The following RSU1 variants were observed in gnomAD, a reference collection of about 807,000 sequenced individuals.
The protein encoded by RSU1 is Ras suppressor protein 1, also known as rsu-1.
In RSU1, 26 loss-of-function variants were observed where a neutral mutation model predicts 31.1. The ratio of observed to expected loss-of-function variants is 0.84; its 90% CI spans 0.61 to 1.16. RSU1 has a LOEUF of 1.16. RSU1 is among the 50% of genes most tolerant of loss of function. The pLI is 0.00. For synonymous variants in RSU1, 164 were observed against 136.3 expected, an observed-to-expected ratio of 1.20 and a Z score of -1.41; for missense variants, 320 against 339.1, an observed-to-expected ratio of 0.94 and a Z score of 0.44.
intron 7 of RSU1, among the ~76,000 whole-genome samples, chr10:16,701,673 A>G (rs10795417): frequency 0.43 from 66,032 of 151,954 alleles, 14,551 homozygotes; most frequent in African/African-American, 0.51. Context: ...CCTACCAAAT[A>G]GTTCCAACAC....
intron 5 of RSU1, among the ~76,000 whole-genome samples, chr10:16,754,274 C>A (rs1352527507): frequency 6.6e-6 from 1 of 152,106 alleles, no homozygotes; most frequent in East Asian, 1.9e-4. Context: ...CAGAAGAAAT[C>A]ATTTTTTAAT....
intron 8 of RSU1, 23 bp downstream of exon 8, chr10:16,695,000 T>G (rs369189203): frequency 1.9e-4 from 296 of 1,594,054 alleles, no homozygotes; most frequent in Non-Finnish European, 2.4e-4. Context: ...GTCTACTATT[T>G]CAGAAAATCA....
chr10:16,776,504 C>A lies in RSU1; in HGVS notation c.160+5530G>T, dbSNP rs549390354. Among the ~76,000 whole-genome samples the A allele has an allele frequency of 6.7e-4, 99 of 147,644 alleles. 3 individuals carry two copies. In the South Asian group the frequency reaches 0.02, roughly 30 times the overall value. On this transcript the variant is annotated intron_variant, in intron 3 of 8. Transcript: ENST00000345264. ...AATAGTGTATATTAAAAAAAAAAAACCCACATTTTGCCATAAAACTTAGGT... is the reference window on the plus strand; with the variant it reads ...AATAGTGTATATTAAAAAAAAAAAAACCACATTTTGCCATAAAACTTAGGT...
intron 7 of RSU1, among the ~76,000 whole-genome samples, chr10:16,735,584 C>G (rs1157972205): frequency 6.6e-6 from 1 of 152,156 alleles, no homozygotes; most frequent in Non-Finnish European, 1.5e-5. Context: ...CCCAAGACTA[C>G]ATAATTTATA....
At chr10:16,662,558 C>A (rs1834907919) in intron 8 of RSU1, among the ~76,000 whole-genome samples, 1 of 152,112 alleles carries the variant, frequency 6.6e-6, no homozygotes, top group Admixed American at 6.5e-5. Context: ...CTGATGGACT[C>A]TTGGGTGTCT....
chr10:16,674,997 C>T (rs977647887), intron 8 of RSU1, among the ~76,000 whole-genome samples: 2 of 152,192 alleles, frequency 1.3e-5, no homozygotes, highest in East Asian at 3.9e-4. Flanking sequence ...TGTGCCACTA[C>T]ACTCCAGCCT....
At chr10:16,615,455 G>A (rs1833960184) in intron 8 of RSU1, among the ~76,000 whole-genome samples, 1 of 152,100 alleles carries the variant, frequency 6.6e-6, no homozygotes, top group African/African-American at 2.4e-5. Context: ...ACACCCCACT[G>A]TCCATACTAG....
At chr10:16,768,122 T>G (rs1204641651) in intron 3 of RSU1, among the ~76,000 whole-genome samples, 10 of 152,238 alleles carry the variant, frequency 6.6e-5, no homozygotes, top group African/African-American at 2.2e-4. Context: ...GTCCAGCTTC[T>G]GATCTATGAC....
intron 4 of RSU1, among the ~76,000 whole-genome samples, chr10:16,761,622 C>T (rs907662566): frequency 5.9e-5 from 9 of 152,140 alleles, no homozygotes; most frequent in Admixed American, 1.3e-4. Context: ...TTTGGGAGGC[C>T]GAGGCGGGTG....
chr10:16,636,209 A>G (rs936378940), intron 8 of RSU1, among the ~76,000 whole-genome samples: 1 of 152,114 alleles, frequency 6.6e-6, no homozygotes, highest in Non-Finnish European at 1.5e-5. Flanking sequence ...TGCCTACTGA[A>G]TATCTCCACT....
At chr10:16,782,670 T>C (rs1353235054) in intron 2 of RSU1, among the ~76,000 whole-genome samples, 4 of 152,178 alleles carry the variant, frequency 2.6e-5, no homozygotes, top group Non-Finnish European at 5.9e-5. Context: ...AAGCACTGAT[T>C]TGAAATGCAG....
intron 8 of RSU1, among the ~76,000 whole-genome samples, chr10:16,614,047 A>G (rs1833936501): frequency 6.6e-6 from 1 of 152,202 alleles, no homozygotes; most frequent in African/African-American, 2.4e-5. Context: ...AGTTCAAAAC[A>G]TGGGTAAGGA....
At chr10:16,747,484 A>G (rs1447469634) in intron 7 of RSU1, among the ~76,000 whole-genome samples, 1 of 149,124 alleles carries the variant, frequency 6.7e-6, no homozygotes, top group East Asian at 2.0e-4. Context: ...AGTTGCTTAG[A>G]CCAAAAACCT....
chr10:16,764,520 CA>C lies in RSU1; in HGVS notation c.161-11del. ...ATGTTCGGTGGCACCACTATGGAAA[CA>C]AAAATGCTGAGTGTGAATCTGGGAA... On this transcript the variant is annotated splice_polypyrimidine_tract_variant and intron_variant, in intron 3 of 8. Transcript: ENST00000345264. The C allele has an allele frequency of 6.2e-7, 1 of 1,609,224 alleles. No individual in the cohort carries two copies. Among genetic ancestry groups the C allele is most frequent in the African/African-American group, 1.3e-5 (1 of 74,776 alleles).
rs377246366 is a variant in RSU1, at chr10:16,695,158, G to GC, written c.599-4_599-3insG. On this transcript the variant is annotated splice_polypyrimidine_tract_variant and splice_region_variant and intron_variant, in intron 7 of 8. Coordinates refer to ENST00000345264, the MANE Select transcript of RSU1 (RefSeq NM_012425.4). ...CTGGCCAGTTAAATCCAAGTTTCCTGGGGGGGGGGAAAAAAAAAGTGAAGG... is the reference window on the plus strand; with the variant it reads ...CTGGCCAGTTAAATCCAAGTTTCCTGCGGGGGGGGGAAAAAAAAAGTGAAGG... The GC allele has an allele frequency of 6.2e-3, 5,265 of 847,218 alleles. 100 individuals are homozygous for GC. The African/African-American group carries it at 0.1, about 17-fold the overall frequency. The allele number at this position is 847,218 out of a possible 1,614,324, so 52.5% of individuals were successfully genotyped here. A position where few individuals can be genotyped will look rare whatever the true frequency, so the allele number is the denominator to read the frequency against.
intron 3 of RSU1, among the ~76,000 whole-genome samples, chr10:16,770,134 C>T (rs571957402): frequency 7.2e-5 from 11 of 152,114 alleles, no homozygotes; most frequent in Admixed American, 3.9e-4. Flanking sequence ...GACAGATCGG[C>T]TTGGGTGCAG....
In RSU1 at chr10:16,689,904, A is replaced by C. The variant is rs566725605; in HGVS notation, c.731+5119T>G. 5.9e-5 allele frequency among the ~76,000 whole-genome samples: 9 copies of C among 152,326 alleles called. No homozygotes were observed. In the East Asian group the frequency reaches 1.2e-3, roughly 20 times the overall value. On this transcript the variant is annotated intron_variant, in intron 8 of 8. Transcript: ENST00000345264. ...GGCTTTAGGACTGCCATGCTTGGCA[A>C]ATTGCAGTTTTCATGATGACGCCTG...
At chr10:16,806,866 G>A (rs1838280954) in intron 2 of RSU1, among the ~76,000 whole-genome samples, 1 of 152,114 alleles carries the variant, frequency 6.6e-6, no homozygotes, top group African/African-American at 2.4e-5. Flanking sequence ...TGATTCTCCT[G>A]CCTCAGCCTC....
intron 7 of RSU1, among the ~76,000 whole-genome samples, chr10:16,731,449 C>G (rs765402341): frequency 2.0e-5 from 3 of 149,680 alleles, no homozygotes; most frequent in Admixed American, 2.0e-4. Flanking sequence ...AAAAAAAATA[C>G]TGTGGCAAGA....
Sources: allele counts gnomAD v4.1 joint callset (sites outside exome capture counted in the v4.1 genomes callset), GRCh38; gene constraint gnomAD v4.1.1; transcripts MANE v1.5; gene names NCBI Gene and HGNC (gene_info 2026-07-23, HGNC 2026-07-21).